The following RNF114 variants were observed in gnomAD, a reference collection of about 807,000 sequenced individuals.
The protein encoded by RNF114 is E3 ubiquitin-protein ligase RNF114.
A neutral mutation model predicts 28.4 loss-of-function variants in RNF114; 6 were observed. The ratio of observed to expected loss-of-function variants is 0.21; its 90% CI spans 0.12 to 0.42. The LOEUF (loss-of-function observed/expected upper bound fraction) is 0.42, where lower values mean the gene tolerates loss of function less well. RNF114 is among the 10% of genes least tolerant of loss of function. The pLI, the probability that RNF114 is intolerant of heterozygous loss-of-function variation, is 1.00. For synonymous variants in RNF114, 115 were observed against 116.7 expected (o/e 0.99, Z 0.09); for missense variants, 249 against 311.7 (o/e 0.80, Z 1.51).
intron 2 of RNF114, 173 bp downstream of exon 2, chr20:49,941,884 T>A: frequency 1.8e-6 from 1 of 562,526 alleles, no homozygotes; most frequent in Non-Finnish European, 3.0e-6. Context: ...ACCTTACTGG[T>A]TTTTGTTTCT....
At position 49,941,643 on chromosome 20, in the gene RNF114, G is replaced by T. The variant is rs370562414; in HGVS notation, c.223G>T (p.Val75Phe). 6.2e-6 allele frequency: 10 copies of T among 1,612,818 alleles called. No individual in the cohort carries two copies. In the African/African-American group the frequency reaches 1.3e-4, roughly 22 times the overall value. Residue 75 changes from valine (V) to phenylalanine (F), a missense_variant, in exon 2 of 6, where the codon GTC becomes TTC. This residue lies in a region of RNF114 where 123 missense variants were observed against 106.4 expected (regional missense o/e 1.16). Transcript: ENST00000244061. ...GVCRSALAPG[V>F]RAVELERQIE... ...GTGTCGCAGCGCTCTGGCACCTGGC[G>T]TCCGAGCCGTGGAGCTCGAGCGGCA...
intron 4 of RNF114, among the ~76,000 whole-genome samples, chr20:49,947,292 G>A (rs1359018530): frequency 2.8e-5 from 4 of 142,836 alleles, no homozygotes; most frequent in African/African-American, 1.1e-4. Context: ...CAATGTGATT[G>A]ACAGACCAGG....
intron 2 of RNF114, 27 bp downstream of exon 2, chr20:49,941,738 C>T: frequency 1.2e-6 from 2 of 1,600,014 alleles, no homozygotes; most frequent in Non-Finnish European, 1.7e-6. Context: ...TGGAAGAGTC[C>T]ATGTCTTTCC....
chr20:49,951,695 T>C (rs1022672340), intron 5 of RNF114, among the ~76,000 whole-genome samples: 2 of 152,164 alleles, frequency 1.3e-5, no homozygotes, highest in Non-Finnish European at 2.9e-5. Context: ...CTGGCCAACA[T>C]GGTGAAACCC....
chr20:49,938,256 C>G (rs1229465606), intron 1 of RNF114, among the ~76,000 whole-genome samples: 14 of 152,184 alleles, frequency 9.2e-5, no homozygotes, highest in Non-Finnish European at 1.3e-4. Context: ...TTGAGATTTT[C>G]TTGAGCTTGG....
At position 49,936,604 on chromosome 20, in the gene RNF114, G is replaced by T. The variant is rs148674659; in HGVS notation, c.140+52G>T. ...GGGGGCGCTTAACTGGGAAGGGAATGGAGCCGAGGAGCGAGATGGGTCTCA... is the reference window on the plus strand; with the variant it reads ...GGGGGCGCTTAACTGGGAAGGGAATTGAGCCGAGGAGCGAGATGGGTCTCA... On this transcript the variant is annotated intron_variant, in intron 1 of 5. Coordinates refer to ENST00000244061, the MANE Select transcript of RNF114 (RefSeq NM_018683.4). 366 of 1,556,352 alleles carry T rather than the reference G, an allele frequency of 2.4e-4. No individual in the cohort carries two copies. In the African/African-American group the frequency reaches 2.8e-3, roughly 12 times the overall value.
intron 1 of RNF114, among the ~76,000 whole-genome samples, chr20:49,940,042 C>T (rs922967575): frequency 7.3e-5 from 9 of 123,662 alleles, no homozygotes; most frequent in Admixed American, 2.1e-4. Context: ...CAACAGAGCA[C>T]GACTCTGTCT....
At chr20:49,939,881 C>G (rs2090300533) in intron 1 of RNF114, among the ~76,000 whole-genome samples, 1 of 151,748 alleles carries the variant, frequency 6.6e-6, no homozygotes, top group African/African-American at 2.4e-5. Flanking sequence ...GTGGTGAAAC[C>G]CCGTCTCTAC....
At chr20:49,938,711 A>G (rs1304909143) in intron 1 of RNF114, among the ~76,000 whole-genome samples, 1 of 152,202 alleles carries the variant, frequency 6.6e-6, no homozygotes, top group East Asian at 1.9e-4. Flanking sequence ...CCATCCCAGG[A>G]TATTTGAGTT....
chr20:49,947,769 GTTTTTTTTTTTTTTTTTTTTTTT>G (rs71190519), intron 4 of RNF114, among the ~76,000 whole-genome samples: 89 of 50,470 alleles, frequency 1.8e-3, no homozygotes, highest in Admixed American at 7.8e-3. Flanking sequence ...CCCTCTGCAA[GTTTTTTTTTTTTTTTTTTTTTTT>G]TTTTTTTTTT....
intron 2 of RNF114, among the ~76,000 whole-genome samples, chr20:49,942,325 C>T (rs1038044135): frequency 6.6e-6 from 1 of 152,130 alleles, no homozygotes; most frequent in Non-Finnish European, 1.5e-5. Context: ...TGCATCCATG[C>T]TCTTGTATAA....
intron 1 of RNF114, among the ~76,000 whole-genome samples, chr20:49,938,968 T>C (rs1489114321): frequency 1.3e-5 from 2 of 152,206 alleles, no homozygotes; most frequent in African/African-American, 4.8e-5. Context: ...TACTGCCTCA[T>C]CACTTGCCCT....
At chr20:49,937,569 A>T (rs1164640585) in intron 1 of RNF114, among the ~76,000 whole-genome samples, 1 of 152,162 alleles carries the variant, frequency 6.6e-6, no homozygotes, top group Non-Finnish European at 1.5e-5. Context: ...CTCTTCCCAG[A>T]TGTACTGCAG....
At chr20:49,944,061 T>TTTTGG (rs1419663871) in intron 2 of RNF114, 1 of 151,132 alleles carries the variant, frequency 6.6e-6, no homozygotes, top group Non-Finnish European at 1.5e-5. Flanking sequence ...ATAATGTGGT[T>TTTTGG]TTTGGTTTTG....
chr20:49,952,437 G>T lies in RNF114; in HGVS notation c.*296G>T. ...GCCGCCTCCTGTGGAAGATAATCTA[G>T]CTTCTCCACCTCTTGTTTCACACTC... On this transcript the variant is annotated 3_prime_UTR_variant, in exon 6 of 6. Coordinates refer to ENST00000244061, the MANE Select transcript of RNF114 (RefSeq NM_018683.4). 1.9e-6 allele frequency: 1 copy of T among 520,356 alleles called. No homozygotes were observed. Among genetic ancestry groups the T allele is most frequent in the South Asian group, 3.2e-5 (1 of 31,316 alleles). 32.2% of individuals were successfully genotyped at this position (520,356 alleles called of 1,614,324 possible).
At chr20:49,945,333 T>G (rs1317241477) in intron 2 of RNF114, 49 bp from the exon 3 acceptor site, 1 of 1,206,844 alleles carries the variant, frequency 8.3e-7, no homozygotes, top group African/African-American at 1.5e-5. Flanking sequence ...ATATTTTGCC[T>G]GTTGCAAGGT....
At position 49,945,360 on chromosome 20, in the gene RNF114, G is replaced by A. The variant is rs1312682337; in HGVS notation, c.292-22G>A. 2.0e-6 allele frequency: 3 copies of A among 1,521,770 alleles called. No homozygotes were observed. The Admixed American group carries it at 5.0e-5, about 25-fold the overall frequency. 94.3% of individuals were successfully genotyped at this position (1,521,770 alleles called of 1,614,324 possible). A position where few individuals can be genotyped will look rare whatever the true frequency, so the allele number is the denominator to read the frequency against. On this transcript the variant is annotated intron_variant, in intron 2 of 5. Coordinates refer to ENST00000244061, the MANE Select transcript of RNF114 (RefSeq NM_018683.4). ...TTGCAAGGTCCTCACTAACTTATGG[G>A]CTCTGATTCTTCCTATTTGAGTTCT...
intron 4 of RNF114, among the ~76,000 whole-genome samples, chr20:49,948,020 G>A (rs956749116): frequency 6.6e-6 from 1 of 151,684 alleles, no homozygotes; most frequent in African/African-American, 2.4e-5. Context: ...TCGATCTCCT[G>A]ACCTCGTGAT....
At position 49,945,474 on chromosome 20, in the gene RNF114, A is replaced by G; in HGVS notation, c.384A>G (p.Ala128=). ...GTGTGAAGGCCACCATTAAGGATGC[A>G]TCTCTTCAGCCAAGGTAAATGACTC... ...MEGVKATIKD[A]SLQPRNVPNR... is the part of the protein sequence containing the mutation. The change falls in exon 3 of 6, where the codon GCA becomes GCG. Residue 128 remains alanine (A), a synonymous_variant. Coordinates refer to ENST00000244061, the MANE Select transcript of RNF114 (RefSeq NM_018683.4). The G allele has an allele frequency of 6.2e-7, 1 of 1,604,288 alleles. No individual in the cohort carries two copies. The highest frequency in any genetic ancestry group is 2.2e-5 in the East Asian group (1 of 44,856).
Sources: gnomAD v4.1 joint callset for allele counts (sites outside exome capture counted in the v4.1 genomes callset) on GRCh38, gnomAD v4.1.1 for gene constraint, gnomAD v4.1.1 regional missense constraint, MANE v1.5 for transcripts, NCBI Gene and HGNC (gene_info 2026-07-23, HGNC 2026-07-21) for gene names.